PDSS2: variants seen among roughly 807,000 people sequenced by gnomAD.
PDSS2 encodes decaprenyl diphosphate synthase subunit 2, also known as all trans-polyprenyl-diphosphate synthase PDSS2.
A neutral mutation model predicts 44.5 loss-of-function variants in PDSS2; 31 were observed. The observed-to-expected ratio is 0.70, with a 90% CI of 0.52 to 0.94. The LOEUF is 0.94. Among genes scored for constraint, PDSS2 ranks in the 40% least tolerant of loss-of-function variants. The probability of loss-of-function intolerance (pLI) is 0.00; values close to 1 mark genes in which losing one functional copy is unlikely to be tolerated. For missense variants in PDSS2, 452 were observed against 482.2 expected (o/e 0.94, Z 0.59); for synonymous variants, 157 against 180.3 (o/e 0.87, Z 1.03).
chr6:107,410,642 C>T (rs894563325), intron 1 of PDSS2, among the ~76,000 whole-genome samples: 11 of 151,900 alleles, frequency 7.2e-5, no homozygotes, highest in Non-Finnish European at 1.5e-4. Flanking sequence ...CACGTGCCAC[C>T]ACGTCCATCT....
At chr6:107,443,113 A>G (rs1781559301) in intron 1 of PDSS2, among the ~76,000 whole-genome samples, 5 of 152,234 alleles carry the variant, frequency 3.3e-5, no homozygotes. Flanking sequence ...ACTAACAAGC[A>G]TAGTACTTGG....
intron 2 of PDSS2, among the ~76,000 whole-genome samples, chr6:107,316,555 C>T (rs1352717418): frequency 6.6e-6 from 1 of 151,952 alleles, no homozygotes; most frequent in Admixed American, 6.6e-5. Flanking sequence ...GGTTTTGAGG[C>T]ATTTAGAGTA....
chr6:107,294,423 T>G (rs1484923032), intron 2 of PDSS2, among the ~76,000 whole-genome samples: 1 of 151,964 alleles, frequency 6.6e-6, no homozygotes, highest in Non-Finnish European at 1.5e-5. Context: ...TAAAAAAAAT[T>G]TTTTTTAGAG....
chr6:107,169,141 C>A (rs1554248078), intron 7 of PDSS2, among the ~76,000 whole-genome samples: 1 of 152,086 alleles, frequency 6.6e-6, no homozygotes, highest in Admixed American at 6.6e-5. Context: ...GGTCTTTTCA[C>A]ATAGTCCCAT....
At chr6:107,395,337 T>A (rs1779907868) in intron 1 of PDSS2, among the ~76,000 whole-genome samples, 1 of 152,130 alleles carries the variant, frequency 6.6e-6, no homozygotes, top group Non-Finnish European at 1.5e-5. Flanking sequence ...ATGCTTTCCA[T>A]CACATATGAA....
intron 2 of PDSS2, among the ~76,000 whole-genome samples, chr6:107,279,185 C>T (rs1775883620): frequency 6.6e-6 from 1 of 152,128 alleles, no homozygotes; most frequent in African/African-American, 2.4e-5. Context: ...CACCACTGCA[C>T]TCCAGCCTGG....
intron 6 of PDSS2, among the ~76,000 whole-genome samples, chr6:107,200,527 A>G (rs1192490725): frequency 6.6e-6 from 1 of 152,156 alleles, no homozygotes; most frequent in Non-Finnish European, 1.5e-5. Flanking sequence ...TTGTGCTTCT[A>G]TGTGCATCAG....
chr6:107,425,285 T>C (rs1423900568), intron 1 of PDSS2, among the ~76,000 whole-genome samples: 1 of 151,828 alleles, frequency 6.6e-6, no homozygotes, highest in Non-Finnish European at 1.5e-5. Context: ...ACTTTGGAAC[T>C]GGGTAACAGG....
chr6:107,190,474 A>C (rs183846588), intron 7 of PDSS2, among the ~76,000 whole-genome samples: 1 of 152,292 alleles, frequency 6.6e-6, no homozygotes, highest in Non-Finnish European at 1.5e-5. Context: ...ATACTAAGAG[A>C]AAAAAGAAAC....
At chr6:107,317,590 A>G (rs572992163) in intron 2 of PDSS2, among the ~76,000 whole-genome samples, 46 of 152,320 alleles carry the variant, frequency 3.0e-4, no homozygotes, top group Non-Finnish European at 5.6e-4. Context: ...CTGACCTCCC[A>G]GTTTTAGGAA....
intron 4 of PDSS2, among the ~76,000 whole-genome samples, chr6:107,219,247 C>T (rs754501460): frequency 6.6e-6 from 1 of 151,950 alleles, no homozygotes; most frequent in Non-Finnish European, 1.5e-5. Flanking sequence ...GGGGAAGTTG[C>T]TGTTTCTTGA....
Position 107,274,139 on chromosome 6 carries a change from A to G in PDSS2, c.520T>C (p.Ser174Pro). The G allele has an allele frequency of 6.2e-7, 1 of 1,613,688 alleles. No homozygotes were observed. Among genetic ancestry groups the G allele is most frequent in the Non-Finnish European group, 8.5e-7 (1 of 1,179,570 alleles). ...TGCATGTCTTTCAGTGGACCATCAG[A>G]TGATTGCAACTCATTTAAATTTACT... ...GIVNLNELQS[S>P]DGPLKDMQFG... is the part of the protein sequence containing the mutation. Residue 174 changes from serine (S) to proline (P), a missense_variant, in exon 3 of 8, where the codon TCT (serine) becomes CCT (proline). By Grantham distance (74) the Ser-to-Pro change is moderately conservative. Transcript: ENST00000369037.
intron 1 of PDSS2, among the ~76,000 whole-genome samples, chr6:107,442,056 C>T (rs759066083): frequency 5.9e-5 from 9 of 152,146 alleles, no homozygotes; most frequent in Non-Finnish European, 1.3e-4. Flanking sequence ...TACTGACTGC[C>T]CTAGAGCGTC....
At chr6:107,201,785 A>G (rs796906163) in intron 6 of PDSS2, among the ~76,000 whole-genome samples, 5 of 152,308 alleles carry the variant, frequency 3.3e-5, no homozygotes, top group African/African-American at 1.2e-4. Context: ...AATAACTGCC[A>G]TTTTTAAAGA....
chr6:107,215,329 C>T (rs575267812), intron 4 of PDSS2, among the ~76,000 whole-genome samples: 48 of 152,222 alleles, frequency 3.2e-4, no homozygotes, highest in African/African-American at 1.1e-3. Context: ...GAGTTCAAGG[C>T]TGCAGTGGGC....
chr6:107,195,727 T>TAA (rs1772536410), intron 6 of PDSS2, among the ~76,000 whole-genome samples: 2 of 150,704 alleles, frequency 1.3e-5, no homozygotes, highest in East Asian at 2.0e-4. Flanking sequence ...GCCCGGCTAA[T>TAA]TTTTGTATTT....
chr6:107,225,167 T>TATATATA (rs1773772012), intron 4 of PDSS2, among the ~76,000 whole-genome samples: 3 of 43,536 alleles, frequency 6.9e-5, no homozygotes, highest in African/African-American at 1.2e-4. Flanking sequence ...ATATATTTTT[T>TATATATA]TTTTTTTTTT....
chr6:107,264,487 G>A, intron 3 of PDSS2: 1 of 1,545,398 alleles, frequency 6.5e-7, no homozygotes, highest in Non-Finnish European at 8.8e-7. Flanking sequence ...CTGATATATA[G>A]CAATAGGTCC....
chr6:107,306,481 G>A (rs1169886403), intron 2 of PDSS2, among the ~76,000 whole-genome samples: 1 of 152,126 alleles, frequency 6.6e-6, no homozygotes, highest in Non-Finnish European at 1.5e-5. Context: ...TCTTTCCTTT[G>A]TAAATTGCCC....
Sources: allele counts gnomAD v4.1 joint callset (sites outside exome capture counted in the v4.1 genomes callset), GRCh38; gene constraint gnomAD v4.1.1; transcripts MANE v1.5; gene names NCBI Gene and HGNC (gene_info 2026-07-23, HGNC 2026-07-21).